The following NKAIN3 variants were observed in gnomAD, a reference collection of about 807,000 sequenced individuals.
NKAIN3 encodes the protein sodium/potassium transporting ATPase interacting 3.
In NKAIN3, 25 loss-of-function variants were observed where a neutral mutation model predicts 30.2. The observed-to-expected ratio is 0.83, with a 90% CI of 0.60 to 1.16. The LOEUF (loss-of-function observed/expected upper bound fraction) is 1.16. NKAIN3 is among the 50% of genes most tolerant of loss of function. The probability of loss-of-function intolerance (pLI) is 0.00; values close to 1 mark genes in which losing one functional copy is unlikely to be tolerated. For synonymous variants in NKAIN3, 91 were observed against 89.6 expected, an observed-to-expected ratio of 1.02 and a Z score of -0.09; for missense variants, 225 against 254.1, an observed-to-expected ratio of 0.89 and a Z score of 0.78.
intron 3 of NKAIN3, among the ~76,000 whole-genome samples, chr8:62,610,162 AC>A (rs1811246158): frequency 6.6e-6 from 1 of 152,076 alleles, no homozygotes; most frequent in South Asian, 2.1e-4. Flanking sequence ...CCTGACCAAC[AC>A]AGCAAAACCC....
intron 1 of NKAIN3, among the ~76,000 whole-genome samples, chr8:62,426,531 G>A (rs1323010324): frequency 1.3e-5 from 2 of 152,008 alleles, no homozygotes; most frequent in East Asian, 3.9e-4. Flanking sequence ...TTGCCTGTGG[G>A]GATGTTACCC....
intron 1 of NKAIN3, among the ~76,000 whole-genome samples, chr8:62,282,969 G>A (rs1445088715): frequency 4.6e-5 from 7 of 152,232 alleles, no homozygotes; most frequent in South Asian, 4.1e-4. Flanking sequence ...TCTTGTCATC[G>A]GTTCATGGTT....
intron 1 of NKAIN3, among the ~76,000 whole-genome samples, chr8:62,508,230 A>G (rs1011293456): frequency 1.3e-5 from 2 of 152,140 alleles, no homozygotes; most frequent in Non-Finnish European, 2.9e-5. Flanking sequence ...GAGGAAGGCA[A>G]TCCCTTCACG....
At chr8:62,521,832 G>A (rs1423673256) in intron 1 of NKAIN3, among the ~76,000 whole-genome samples, 1 of 152,068 alleles carries the variant, frequency 6.6e-6, no homozygotes, top group African/African-American at 2.4e-5. Context: ...CTTTTTTCCT[G>A]GATAAGATTT....
chr8:62,648,919 G>A (rs894219538), intron 3 of NKAIN3, among the ~76,000 whole-genome samples: 3 of 152,128 alleles, frequency 2.0e-5, no homozygotes, highest in Non-Finnish European at 4.4e-5. Flanking sequence ...GTTGGGAGAT[G>A]GAGCAATGGC....
At chr8:62,484,451 T>C (rs1366294946) in intron 1 of NKAIN3, among the ~76,000 whole-genome samples, 6 of 152,194 alleles carry the variant, frequency 3.9e-5, no homozygotes, top group African/African-American at 7.2e-5. Context: ...CTCCGTGGGG[T>C]TTGGGGCCTG....
intron 1 of NKAIN3, among the ~76,000 whole-genome samples, chr8:62,426,292 A>C (rs2129597172): frequency 6.6e-6 from 1 of 152,104 alleles, no homozygotes; most frequent in East Asian, 1.9e-4. Flanking sequence ...ATTTTAAAGA[A>C]GTCTTTCTTT....
chr8:62,928,483 C>T (rs930903434), intron 5 of NKAIN3, among the ~76,000 whole-genome samples: 5 of 152,152 alleles, frequency 3.3e-5, no homozygotes, highest in African/African-American at 9.7e-5. Context: ...CCACCTTCAG[C>T]GATATCATGA....
intron 1 of NKAIN3, among the ~76,000 whole-genome samples, chr8:62,478,318 A>G (rs928437674): frequency 1.3e-5 from 2 of 152,228 alleles, no homozygotes; most frequent in African/African-American, 4.8e-5. Context: ...GCTTTTAACC[A>G]TTAGACTATT....
In NKAIN3 at chr8:62,965,421, A is replaced by G. The variant is rs1309302906; in HGVS notation, c.*14A>G. 5 of 985,636 alleles carry G rather than the reference A, an allele frequency of 5.1e-6. No individual in the cohort carries two copies. Among genetic ancestry groups the G allele is most frequent in the African/African-American group, 1.7e-5 (1 of 57,206 alleles). 61.1% of individuals were successfully genotyped at this position (985,636 alleles called of 1,614,324 possible). On this transcript the variant is annotated 3_prime_UTR_variant, in exon 7 of 7. Coordinates refer to ENST00000623646, the MANE Select transcript of NKAIN3 (RefSeq NM_001304533.3). ...AACTTGACTTAGGGAGCAAAGGACC[A>G]TTGACTGCGCGCCTCGGTGGATCCG...
chr8:62,528,843 G>A lies in NKAIN3; in HGVS notation c.55-50696G>A, dbSNP rs371928869. Among the ~76,000 whole-genome samples, 6 of 152,206 alleles carry A rather than the reference G, an allele frequency of 3.9e-5. No homozygotes were observed. The East Asian group carries it at 9.7e-4, about 25-fold the overall frequency. Reference sequence around the variant, plus strand: ...TAATTATTCAGAATACCTGGGAAAGGGCGAGGAACTGAGTAATATATTGAG... The same window carrying A: ...TAATTATTCAGAATACCTGGGAAAGAGCGAGGAACTGAGTAATATATTGAG... On this transcript the variant is annotated intron_variant, in intron 1 of 6. Coordinates refer to ENST00000623646, the MANE Select transcript of NKAIN3 (RefSeq NM_001304533.3).
chr8:62,952,250 A>G (rs1479082938), intron 5 of NKAIN3, among the ~76,000 whole-genome samples: 6 of 151,578 alleles, frequency 4.0e-5, no homozygotes, highest in Admixed American at 1.3e-4. Context: ...AGTACAACAT[A>G]TGGGTTAAAA....
At chr8:62,800,773 T>C (rs1000996694) in intron 4 of NKAIN3, among the ~76,000 whole-genome samples, 1 of 152,072 alleles carries the variant, frequency 6.6e-6, no homozygotes, top group African/African-American at 2.4e-5. Flanking sequence ...TGCAGGTCAG[T>C]AGGTGCAGTG....
In NKAIN3 at chr8:62,306,536, T is replaced by TTGTGTG. The variant is rs10552182; in HGVS notation, c.54+57445_54+57450dup. ...CAATGCCTAGAAGGCTTTGAAGGCT[T>TTGTGTG]TGTGTGTGTGTGTGTGTGTGTGTGT... On this transcript the variant is annotated intron_variant, in intron 1 of 6. Coordinates refer to ENST00000623646, the MANE Select transcript of NKAIN3 (RefSeq NM_001304533.3). Among the ~76,000 whole-genome samples the TTGTGTG allele has an allele frequency of 1.7e-3, 231 of 136,058 alleles. 3 individuals carry two copies. The highest frequency in any genetic ancestry group is 8.9e-3 in the South Asian group (37 of 4,142). The allele number at this position is 136,058 out of a possible 152,430, so 89.3% of individuals were successfully genotyped here. A position where few individuals can be genotyped will look rare whatever the true frequency, so the allele number is the denominator to read the frequency against.
intron 4 of NKAIN3, among the ~76,000 whole-genome samples, chr8:62,815,215 T>G (rs10957241): frequency 0.88 from 133,502 of 151,798 alleles, 58,836 homozygotes; most frequent in Admixed American, 0.9. Flanking sequence ...CTCTGAAATT[T>G]AGGCAATAAT....
At chr8:62,482,751 C>G (rs578134041) in intron 1 of NKAIN3, 1 of 152,148 alleles carries the variant, frequency 6.6e-6, no homozygotes, top group Non-Finnish European at 1.5e-5. Context: ...AGGGGCCGGC[C>G]GTGCTAGAGT....
intron 4 of NKAIN3, among the ~76,000 whole-genome samples, chr8:62,890,867 A>G (rs1821278896): frequency 6.6e-6 from 1 of 152,174 alleles, no homozygotes; most frequent in African/African-American, 2.4e-5. Flanking sequence ...CTAATGTGGT[A>G]TTTCCAAAAT....
chr8:62,850,107 C>T (rs1819841524), intron 4 of NKAIN3, among the ~76,000 whole-genome samples: 1 of 152,084 alleles, frequency 6.6e-6, no homozygotes, highest in Non-Finnish European at 1.5e-5. Context: ...CAGATCCTCT[C>T]CAGCACCTGT....
At chr8:62,758,830 T>C (rs1816543235) in intron 4 of NKAIN3, among the ~76,000 whole-genome samples, 1 of 152,216 alleles carries the variant, frequency 6.6e-6, no homozygotes, top group Non-Finnish European at 1.5e-5. Flanking sequence ...AATGACTGAC[T>C]GGGAAAGGGA....
Sources: gnomAD v4.1 joint callset for allele counts (sites outside exome capture counted in the v4.1 genomes callset) on GRCh38, gnomAD v4.1.1 for gene constraint, MANE v1.5 for transcripts, NCBI Gene and HGNC (gene_info 2026-07-23, HGNC 2026-07-21) for gene names.